DUS4L: variants seen among roughly 807,000 people sequenced by gnomAD.
The protein encoded by DUS4L is dihydrouridine synthase 4 like.
In DUS4L, 31 loss-of-function variants were observed where a neutral mutation model predicts 33.8. That is an observed-to-expected ratio of 0.92 (90% CI 0.69 to 1.24). The LOEUF is 1.24. Among genes scored for constraint, DUS4L ranks in the 50% most tolerant of loss-of-function variants. The pLI, the probability that DUS4L is intolerant of heterozygous loss-of-function variation, is 0.00. For synonymous variants in DUS4L, 103 were observed against 120.3 expected (o/e 0.86, Z 0.94); for missense variants, 368 against 388.6 (o/e 0.95, Z 0.45).
At chr7:107,569,057 T>G (rs1293278297) in intron 3 of DUS4L, among the ~76,000 whole-genome samples, 2 of 152,132 alleles carry the variant, frequency 1.3e-5, no homozygotes, top group Admixed American at 1.3e-4. Context: ...ATACAAAAAT[T>G]AGTCAGCGTG....
intron 2 of DUS4L, among the ~76,000 whole-genome samples, chr7:107,565,798 T>A (rs1343620596): frequency 6.6e-6 from 1 of 152,190 alleles, no homozygotes; most frequent in African/African-American, 2.4e-5. Flanking sequence ...ATGCTGAGTT[T>A]ACAGGTGTGA....
chr7:107,574,340 A>G (rs191372201), intron 5 of DUS4L, among the ~76,000 whole-genome samples: 1 of 150,522 alleles, frequency 6.6e-6, no homozygotes, highest in African/African-American at 2.4e-5. Flanking sequence ...TTTGACAATA[A>G]TATTTCTTTT....
rs1805778211 is a variant in DUS4L at position 107,576,605 on chromosome 7, T to A, written c.706+13T>A. ...ACTGGGACAGATGGTAAGAAATAAG[T>A]ACTTGGGTTCTTTTAATTGGGGGGG... is the stretch of plus-strand genomic sequence containing the variant. On this transcript the variant is annotated intron_variant, in intron 7 of 7. Transcript: ENST00000265720. 6.6e-7 allele frequency: 1 copy of A among 1,517,886 alleles called. No homozygotes were observed. The highest frequency in any genetic ancestry group is 8.7e-7 in the Non-Finnish European group (1 of 1,144,424). The allele number at this position is 1,517,886 out of a possible 1,614,324, so 94.0% of individuals were successfully genotyped here. A position where few individuals can be genotyped will look rare whatever the true frequency, so the allele number is the denominator to read the frequency against.
chr7:107,577,638 A>C lies in DUS4L; in HGVS notation c.*78A>C. 2.1e-6 allele frequency: 3 copies of C among 1,448,016 alleles called. No individual in the cohort carries two copies. Among genetic ancestry groups the C allele is most frequent in the Non-Finnish European group, 2.8e-6 (3 of 1,080,760 alleles). The allele number at this position is 1,448,016 out of a possible 1,614,324, so 89.7% of individuals were successfully genotyped here. A position where few individuals can be genotyped will look rare whatever the true frequency, so the allele number is the denominator to read the frequency against. On this transcript the variant is annotated 3_prime_UTR_variant, in exon 8 of 8. Transcript: ENST00000265720. ...CAGAAGGTCATATTTTGTACCTTAA[A>C]CCAGTAGCTCTCAAATTTTAGTATA...
chr7:107,564,039 G>C lies in DUS4L; in HGVS notation c.-281G>C. 4 of 1,497,956 alleles carry C rather than the reference G, an allele frequency of 2.7e-6. No homozygotes were observed. The highest frequency in any genetic ancestry group is 3.6e-6 in the Non-Finnish European group (4 of 1,118,208). 92.8% of individuals were successfully genotyped at this position (1,497,956 alleles called of 1,614,324 possible). A position where few individuals can be genotyped will look rare whatever the true frequency, so the allele number is the denominator to read the frequency against. ...GACTCTCAGCCCGCGCCTGGGCTAA[G>C]CCTGGCTAGGAGCCGCGCAGGTACT... On this transcript the variant is annotated 5_prime_UTR_variant, in exon 1 of 8. Coordinates refer to ENST00000265720, the MANE Select transcript of DUS4L (RefSeq NM_181581.3).
intron 4 of DUS4L, among the ~76,000 whole-genome samples, chr7:107,571,933 T>C (rs1805272812): frequency 6.6e-6 from 1 of 152,206 alleles, no homozygotes; most frequent in Non-Finnish European, 1.5e-5. Context: ...ACATACACTG[T>C]CTTCTCACAC....
intron 5 of DUS4L, 58 bp downstream of exon 5, chr7:107,573,879 A>G (rs1805493959): frequency 7.0e-7 from 1 of 1,421,570 alleles, no homozygotes; most frequent in Admixed American, 2.7e-5. Flanking sequence ...AACTGTGTGA[A>G]CATGGTAAAA....
intron 6 of DUS4L, 58 bp from the exon 7 acceptor site, chr7:107,576,308 A>G (rs1805741973): frequency 2.0e-6 from 3 of 1,488,782 alleles, no homozygotes; most frequent in Non-Finnish European, 2.8e-6. Flanking sequence ...TTAGTCAGTT[A>G]ATGTTAGCAT....
At chr7:107,567,814 C>T (rs750150021) in intron 3 of DUS4L, 1 of 443,564 alleles carries the variant, frequency 2.3e-6, no homozygotes, top group African/African-American at 2.0e-5. Flanking sequence ...CTCACAGCAG[C>T]CCCTGGCAAC....
chr7:107,571,093 AAT>A, intron 3 of DUS4L, 50 bp from the exon 4 acceptor site: 2 of 1,608,898 alleles, frequency 1.2e-6, no homozygotes, highest in East Asian at 2.2e-5. Context: ...AATGCACTAA[AAT>A]ATGTTTGTGG....
chr7:107,569,537 C>A (rs923889959), intron 3 of DUS4L, among the ~76,000 whole-genome samples: 1 of 152,228 alleles, frequency 6.6e-6, no homozygotes, highest in Admixed American at 6.5e-5. Flanking sequence ...AACTGACTTT[C>A]TTACTAGGTT....
At chr7:107,572,017 C>CT (rs74977605) in intron 4 of DUS4L, among the ~76,000 whole-genome samples, 3,890 of 142,626 alleles carry the variant, frequency 0.027, 163 homozygotes, top group African/African-American at 0.086. Context: ...AGCCATGAAT[C>CT]TTTTTTTTTT....
chr7:107,564,241 C>T, intron 1 of DUS4L, 32 bp downstream of exon 1: 1 of 576,086 alleles, frequency 1.7e-6, no homozygotes, highest in Non-Finnish European at 3.1e-6. Flanking sequence ...CAGCGCTTAT[C>T]TGTGAAGCAA....
intron 2 of DUS4L, among the ~76,000 whole-genome samples, chr7:107,566,025 G>T (rs1804650951): frequency 1.3e-5 from 2 of 152,040 alleles, no homozygotes; most frequent in African/African-American, 4.8e-5. Context: ...CTCGTTTTCT[G>T]AGTATCACTC....
At chr7:107,570,987 A>G (rs1805176603) in intron 3 of DUS4L, 158 bp from the exon 4 acceptor site, 1 of 935,116 alleles carries the variant, frequency 1.1e-6, no homozygotes. Context: ...TATATATAAT[A>G]TCCAAGGTTT....
chr7:107,574,332 T>C (rs974865591), intron 5 of DUS4L, among the ~76,000 whole-genome samples: 1 of 151,794 alleles, frequency 6.6e-6, no homozygotes, highest in African/African-American at 2.4e-5. Context: ...GTACTTAATT[T>C]GACAATAATA....
At chr7:107,568,765 T>A (rs1006064353) in intron 3 of DUS4L, among the ~76,000 whole-genome samples, 1 of 152,260 alleles carries the variant, frequency 6.6e-6, no homozygotes, top group Non-Finnish European at 1.5e-5. Flanking sequence ...GAATATTTTC[T>A]CCTAAGTTTT....
chr7:107,576,401 G>C lies in DUS4L; in HGVS notation c.515G>C (p.Cys172Ser). 1 of 1,609,426 alleles carries C rather than the reference G, an allele frequency of 6.2e-7. No homozygotes were observed. The highest frequency in any genetic ancestry group is 8.5e-7 in the Non-Finnish European group (1 of 1,179,018). The part of the protein sequence containing the change: ...HDDLKRTVDL[C>S]QKAEATGVSW... ...GACCTTAAAAGAACTGTAGATCTTTGTCAAAAGGCTGAAGCAACAGGAGTT... is the reference window on the plus strand; with the variant it reads ...GACCTTAAAAGAACTGTAGATCTTTCTCAAAAGGCTGAAGCAACAGGAGTT... Residue 172 changes from cysteine to serine, a missense_variant, in exon 7 of 8, where the codon TGT becomes TCT. Physicochemically the swap from Cys to Ser is moderately radical, Grantham distance 112. Transcript: ENST00000265720.
At chr7:107,573,373 G>C (rs747677286) in intron 4 of DUS4L, among the ~76,000 whole-genome samples, 1 of 152,138 alleles carries the variant, frequency 6.6e-6, no homozygotes, top group Non-Finnish European at 1.5e-5. Flanking sequence ...TATATAGATT[G>C]TTCACACTTG....
Sources: gnomAD v4.1 joint callset for allele counts (sites outside exome capture counted in the v4.1 genomes callset) on GRCh38, gnomAD v4.1.1 for gene constraint, MANE v1.5 for transcripts, NCBI Gene and HGNC (gene_info 2026-07-23, HGNC 2026-07-21) for gene names.